Variants in CDH23 observed in about 807,000 individuals in gnomAD.
The protein encoded by CDH23 is cadherin related 23, also known as cadherin-23.
In CDH23, 189 loss-of-function variants were observed where a neutral mutation model predicts 317.1. That is an observed-to-expected ratio of 0.60 (90% CI 0.53 to 0.67). CDH23 has a LOEUF of 0.67. CDH23 is among the 30% of genes least tolerant of loss of function. CDH23 has a pLI of 0.00. For synonymous variants in CDH23, 1,839 were observed against 1,876.8 expected (o/e 0.98, Z 0.52); for missense variants, 4,401 against 4,592.4 (o/e 0.96, Z 1.20).
chr10:71,637,708 G>A (rs1420146202), intron 11 of CDH23, among the ~76,000 whole-genome samples: 1 of 152,036 alleles, frequency 6.6e-6, no homozygotes, highest in East Asian at 1.9e-4. Flanking sequence ...GACTCTGGGG[G>A]CCCCACTCCG....
At chr10:71,535,106 G>A (rs2132271943) in intron 6 of CDH23, among the ~76,000 whole-genome samples, 1 of 152,368 alleles carries the variant, frequency 6.6e-6, no homozygotes, top group South Asian at 2.1e-4. Flanking sequence ...CATCCAGACT[G>A]CTCATTGCAC....
chr10:71,767,285 A>C (rs12357473), intron 38 of CDH23, among the ~76,000 whole-genome samples: 7,516 of 152,240 alleles, frequency 0.049, 250 homozygotes, highest in Non-Finnish European at 0.077. Context: ...TGTATTTTTC[A>C]TGACAGGGCG....
At chr10:71,533,183 C>T (rs1004508322) in intron 6 of CDH23, among the ~76,000 whole-genome samples, 5 of 151,834 alleles carry the variant, frequency 3.3e-5, no homozygotes, top group Non-Finnish European at 7.3e-5. Context: ...CTTGGAGAAG[C>T]GGCATGGTGA....
At chr10:71,627,139 TC>T (rs1861773590) in intron 11 of CDH23, among the ~76,000 whole-genome samples, 2 of 152,166 alleles carry the variant, frequency 1.3e-5, no homozygotes, top group South Asian at 4.1e-4. Flanking sequence ...CATCTCTGTT[TC>T]CCCATCCTCT....
chr10:71,694,296 C>A (rs377538724), intron 21 of CDH23, 37 bp downstream of exon 21: 1 of 1,520,724 alleles, frequency 6.6e-7, no homozygotes, highest in Non-Finnish European at 9.1e-7. Flanking sequence ...AGCTCCCCCT[C>A]GCCGGCCAGG....
chr10:71,798,996 C>A, intron 50 of CDH23, 115 bp from the exon 51 acceptor site: 1 of 991,166 alleles, frequency 1.0e-6, no homozygotes, highest in Non-Finnish European at 1.5e-6. Flanking sequence ...GCCTGACCAC[C>A]CTCCTTCAAG....
chr10:71,453,679 A>G (rs1376196529), intron 3 of CDH23, among the ~76,000 whole-genome samples: 1 of 152,242 alleles, frequency 6.6e-6, no homozygotes, highest in Non-Finnish European at 1.5e-5. Flanking sequence ...GGAGAACCAC[A>G]GTGGGAGAAT....
intron 38 of CDH23, chr10:71,748,648 A>T (rs1839912863): frequency 1.3e-5 from 2 of 152,484 alleles, no homozygotes; most frequent in Admixed American, 1.3e-4. Flanking sequence ...AGACTGTGCC[A>T]CGAATCCAGC....
chr10:71,464,826 A>G (rs946201490), intron 3 of CDH23, among the ~76,000 whole-genome samples: 38 of 152,188 alleles, frequency 2.5e-4, no homozygotes, highest in Admixed American at 9.2e-4. Context: ...AGTTCTGTGA[A>G]GTCTCCTTAT....
At chr10:71,790,511 G>A in intron 46 of CDH23, 98 bp downstream of exon 46, 1 of 1,463,026 alleles carries the variant, frequency 6.8e-7, no homozygotes, top group Non-Finnish European at 9.2e-7. Context: ...GCTGGACCCA[G>A]GCTGTCCGTG....
chr10:71,695,949 T>A (rs57744541), intron 22 of CDH23, among the ~76,000 whole-genome samples: 2,344 of 152,290 alleles, frequency 0.015, 62 homozygotes, highest in African/African-American at 0.054. Flanking sequence ...TCCATCTGGG[T>A]CACCTCCCCC....
At chr10:71,780,144 C>G (rs1840914618) in intron 41 of CDH23, among the ~76,000 whole-genome samples, 1 of 152,202 alleles carries the variant, frequency 6.6e-6, no homozygotes, top group South Asian at 2.1e-4. Flanking sequence ...AAATCCAAAT[C>G]TTTGTGAAAC....
rs759903345 is a variant in CDH23 at position 71,702,676 on chromosome 10, G to A, written c.2715G>A (p.Ala905=). The A allele has an allele frequency of 1.1e-5, 18 of 1,613,680 alleles. No homozygotes were observed. Among genetic ancestry groups the A allele is most frequent in the East Asian group, 4.5e-5 (2 of 44,892 alleles). Residue 905 remains alanine, a synonymous_variant, in exon 24 of 70, where the codon GCG becomes GCA. Transcript: ENST00000224721. Reference sequence around the variant, plus strand: ...CCGAGGTGCTTGAAGGCATCCCGGCGGGGGTCTCCATCTACCAAGTGAGTC... The same window carrying A: ...CCGAGGTGCTTGAAGGCATCCCGGCAGGGGTCTCCATCTACCAAGTGAGTC... The part of the protein sequence containing the change: ...FVAEVLEGIP[A]GVSIYQVVAI...
intron 6 of CDH23, among the ~76,000 whole-genome samples, chr10:71,553,344 C>T (rs1212170573): frequency 6.6e-6 from 1 of 152,202 alleles, no homozygotes; most frequent in Non-Finnish European, 1.5e-5. Flanking sequence ...AGCTCCTCTG[C>T]AGCCCCGTTC....
chr10:71,421,492 G>A lies in CDH23; in HGVS notation c.-5-18335G>A, dbSNP rs76232403. Among the ~76,000 whole-genome samples the A allele has an allele frequency of 7.3e-3, 1,109 of 152,296 alleles. 3 individuals carry two copies. The highest frequency in any genetic ancestry group is 0.01 in the Non-Finnish European group (689 of 68,020). ...AAATTACAATATTTCGGAGAGCGTC[G>A]TAATTCTATTGCAGACAGCCCTTCA... is the stretch of plus-strand genomic sequence containing the variant. On this transcript the variant is annotated intron_variant, in intron 1 of 69. Coordinates refer to ENST00000224721, the MANE Select transcript of CDH23 (RefSeq NM_022124.6).
At chr10:71,730,657 CA>C (rs1339344500) in intron 31 of CDH23, 53 bp downstream of exon 31, 12 of 1,603,116 alleles carry the variant, frequency 7.5e-6, no homozygotes, top group African/African-American at 1.3e-5. Context: ...CAAACCTCCC[CA>C]GCTCACCCAG....
chr10:71,702,025 G>T lies in CDH23; in HGVS notation c.2401G>T (p.Val801Leu), dbSNP rs781663911. The change falls in exon 23 of 70, where the codon GTG becomes TTG. Residue 801 changes from valine (V) to leucine (L), a missense_variant. Physicochemically the swap from Val to Leu is conservative, Grantham distance 32. Transcript: ENST00000224721. The part of the protein sequence containing the change: ...TPPDSDVTTV[V>L]AVDPDLGENG... ...GGGTCTGCTCCCTCCCGGGCAGGTG[G>T]TGGCTGTTGACCCAGACCTGGGGGA... 5 of 1,613,594 alleles carry T rather than the reference G, an allele frequency of 3.1e-6. No homozygotes were observed. The Admixed American group carries it at 8.3e-5, about 27-fold the overall frequency.
chr10:71,557,260 T>G (rs1402387735), intron 6 of CDH23, among the ~76,000 whole-genome samples: 1 of 152,248 alleles, frequency 6.6e-6, no homozygotes, highest in Non-Finnish European at 1.5e-5. Context: ...TTTTTGTTTG[T>G]TTCTTAGTGT....
chr10:71,773,301 T>A, intron 38 of CDH23: 1 of 1,539,250 alleles, frequency 6.5e-7, no homozygotes, highest in Non-Finnish European at 8.8e-7. Context: ...CAGTTCCCAC[T>A]CCAGTCTGCT....
Sources: allele counts gnomAD v4.1 joint callset (sites outside exome capture counted in the v4.1 genomes callset), GRCh38; gene constraint gnomAD v4.1.1; transcripts MANE v1.5; gene names NCBI Gene and HGNC (gene_info 2026-07-23, HGNC 2026-07-21).